CCDC190: variants seen among roughly 807,000 people sequenced by gnomAD.
CCDC190 encodes coiled-coil domain-containing protein 190.
CCDC190 carries 10 observed loss-of-function variants against 13.1 expected under a neutral mutation model. That is an observed-to-expected ratio of 0.77 (90% CI 0.47 to 1.30). The LOEUF (loss-of-function observed/expected upper bound fraction) is 1.30. Among genes scored for constraint, CCDC190 ranks in the 50% most tolerant of loss-of-function variants. The pLI, the probability that CCDC190 is intolerant of heterozygous loss-of-function variation, is 0.00. For synonymous variants in CCDC190, 136 were observed against 127.2 expected (o/e 1.07, Z -0.47); for missense variants, 375 against 354.3 (o/e 1.06, Z -0.47).
At chr1:162,861,195 CCCTCCCTA>C (rs146124341), upstream of CCDC190, among the ~76,000 whole-genome samples, 25,942 of 152,048 alleles carry the variant, frequency 0.17, 2,226 homozygotes, top group Middle Eastern at 0.2. Context: ...CTCTCTTCGT[CCCTCCCTA>C]CCTCCCCTGG....
upstream of CCDC190, among the ~76,000 whole-genome samples, chr1:162,864,348 C>G (rs1650627215): frequency 6.6e-6 from 1 of 152,206 alleles, no homozygotes; most frequent in East Asian, 1.9e-4. Context: ...CCTTCAACAA[C>G]AGACCTACAG....
At chr1:162,859,297 C>T (rs1399546658) in intron 2 of CCDC190, among the ~76,000 whole-genome samples, 163 bp downstream of exon 2, 1 of 152,170 alleles carries the variant, frequency 6.6e-6, no homozygotes, top group Non-Finnish European at 1.5e-5. Context: ...ATGTAATTGA[C>T]AGGGGAGGGA....
chr1:162,865,775 C>G (rs555962572), upstream of CCDC190, among the ~76,000 whole-genome samples: 2 of 152,232 alleles, frequency 1.3e-5, no homozygotes, highest in Admixed American at 1.3e-4. Flanking sequence ...TAATTAGCAT[C>G]TATAATAAAC....
At chr1:162,855,455 G>A (rs1435139429) in intron 3 of CCDC190, 96 bp from the exon 4 acceptor site, 25 of 1,475,134 alleles carry the variant, frequency 1.7e-5, no homozygotes, top group South Asian at 1.5e-4. Context: ...CTTCAGTATC[G>A]GCCAAGGTAA....
Position 162,855,179 on chromosome 1 carries a change from T to A in CCDC190, c.492A>T (p.Pro164=). The A allele has an allele frequency of 1.2e-6, 2 of 1,613,998 alleles. No individual in the cohort carries two copies. The highest frequency in any genetic ancestry group is 1.3e-5 in the African/African-American group (1 of 75,052). Residue 164 remains proline (P), a synonymous_variant, in exon 4 of 4, where the codon CCA becomes CCT. Transcript: ENST00000367912. ...PQAQEKDSVN[P]SKDVDPSKGI... is the part of the protein sequence containing the mutation. ...CCTTGCTGGGGTCTACGTCCTTAGA[T>A]GGATTCACAGAATCTTTCTCTTGGG...
At chr1:162,864,013 T>TGA (rs773894978), upstream of CCDC190, among the ~76,000 whole-genome samples, 1 of 34,366 alleles carries the variant, frequency 2.9e-5, no homozygotes, top group Non-Finnish European at 1.1e-4. Flanking sequence ...AGACTCCATC[T>TGA]CAAAAAAAAA....
chr1:162,868,002 A>G (rs185994501), intron 1 of CCDC190, among the ~76,000 whole-genome samples: 190 of 152,340 alleles, frequency 1.2e-3, no homozygotes, highest in African/African-American at 4.4e-3. Context: ...CTTGCTGCAT[A>G]TATTTGTCGA....
rs567933590 is a variant in CCDC190 at position 162,859,341 on chromosome 1, T to C, written c.187+119A>G. The C allele has an allele frequency of 4.5e-6, 4 of 884,236 alleles. No individual in the cohort carries two copies. The East Asian group carries it at 1.1e-4, about 24-fold the overall frequency. The allele number at this position is 884,236 out of a possible 1,614,324, so 54.8% of individuals were successfully genotyped here. ...GTTAGGCAGCCTAAAGTCCTGGCTG[T>C]GATCAAAAGCTCTTGCTGTCTTGGC... On this transcript the variant is annotated intron_variant, in intron 2 of 3. Coordinates refer to ENST00000367912, the MANE Select transcript of CCDC190 (RefSeq NM_001394065.1).
intron 2 of CCDC190, among the ~76,000 whole-genome samples, chr1:162,856,726 A>G (rs552539987): frequency 6.6e-6 from 1 of 152,332 alleles, no homozygotes; most frequent in Admixed American, 6.5e-5. Context: ...GAATATGACC[A>G]GATAGGGAAC....
At chr1:162,861,997 A>C (rs1019310335), upstream of CCDC190, among the ~76,000 whole-genome samples, 7 of 152,100 alleles carry the variant, frequency 4.6e-5, no homozygotes, top group South Asian at 6.2e-4. Context: ...GGAGCATGCT[A>C]TTTTCTCAGT....
At chr1:162,855,473 G>A in intron 3 of CCDC190, 114 bp from the exon 4 acceptor site, 4 of 1,454,876 alleles carry the variant, frequency 2.7e-6, no homozygotes, top group Non-Finnish European at 3.7e-6. Flanking sequence ...TAATATAGGT[G>A]GGAATGGGGT....
upstream of CCDC190, among the ~76,000 whole-genome samples, chr1:162,863,616 A>G (rs1390057812): frequency 6.6e-6 from 1 of 152,212 alleles, no homozygotes; most frequent in East Asian, 1.9e-4. Flanking sequence ...TTTCCGGACT[A>G]CAGCACAAGA....
chr1:162,863,742 CG>C (rs1157015879), upstream of CCDC190, among the ~76,000 whole-genome samples: 1 of 152,102 alleles, frequency 6.6e-6, no homozygotes, highest in East Asian at 1.9e-4. Flanking sequence ...TCAATGAGGC[CG>C]GGCGCAGTGG....
chr1:162,858,250 A>G (rs1325865011), intron 2 of CCDC190, among the ~76,000 whole-genome samples: 2 of 152,166 alleles, frequency 1.3e-5, no homozygotes, highest in Non-Finnish European at 2.9e-5. Context: ...TTTCCAACCC[A>G]ACTCTTTACT....
upstream of CCDC190, among the ~76,000 whole-genome samples, chr1:162,862,260 A>G (rs1334166074): frequency 6.6e-6 from 1 of 152,200 alleles, no homozygotes; most frequent in Non-Finnish European, 1.5e-5. Flanking sequence ...TGGTTCCTGC[A>G]TGGCATTTTG....
chr1:162,859,793 T>G (rs1255604851), intron 1 of CCDC190, 135 bp from the exon 2 acceptor site: 4 of 655,476 alleles, frequency 6.1e-6, no homozygotes, highest in Admixed American at 6.4e-5. Context: ...GAAATCACAC[T>G]ATTGTTAAAT....
chr1:162,855,774 G>GAAGT lies in CCDC190; in HGVS notation c.188-23_188-20dup. On this transcript the variant is annotated intron_variant, in intron 2 of 3. Transcript: ENST00000367912. Reference sequence around the variant, plus strand: ...ATGGTTTCTGCTTTGAGTTAATTAAGAAGTGTTATGAGTTGGATTGTGTCC... The same window carrying GAAGT: ...ATGGTTTCTGCTTTGAGTTAATTAAGAAGTAAGTGTTATGAGTTGGATTGTGTCC... 1 of 1,567,412 alleles carries GAAGT rather than the reference G, an allele frequency of 6.4e-7. No homozygotes were observed. The highest frequency in any genetic ancestry group is 2.3e-5 in the East Asian group (1 of 43,120).
At chr1:162,865,484 G>A (rs1000412395), upstream of CCDC190, among the ~76,000 whole-genome samples, 1 of 152,046 alleles carries the variant, frequency 6.6e-6, no homozygotes, top group Non-Finnish European at 1.5e-5. Context: ...TAGACCACAG[G>A]TGGGCCATGA....
rs1420322847 is a variant in CCDC190, at chr1:162,852,924, T to C, written c.*1841A>G. On this transcript the variant is annotated 3_prime_UTR_variant, in exon 4 of 4. Coordinates refer to ENST00000367912, the MANE Select transcript of CCDC190 (RefSeq NM_001394065.1). The stretch of plus-strand genomic sequence containing the variant: ...CGTAGAAGACAAGAAGAAAGAACTT[T>C]TAGGAAAGAGCTTGCGCAGTTTACA... 1.7e-6 allele frequency: 1 copy of C among 580,026 alleles called. No homozygotes were observed. The highest frequency in any genetic ancestry group is 3.1e-6 in the Non-Finnish European group (1 of 322,010). 35.9% of individuals were successfully genotyped at this position (580,026 alleles called of 1,614,324 possible).
Sources: allele counts gnomAD v4.1 joint callset (sites outside exome capture counted in the v4.1 genomes callset), GRCh38; gene constraint gnomAD v4.1.1; transcripts MANE v1.5; gene names NCBI Gene and HGNC (gene_info 2026-07-23, HGNC 2026-07-21).